The following NEGR1 variants were observed in gnomAD, a reference collection of about 807,000 sequenced individuals.
The protein encoded by NEGR1 is neuronal growth regulator 1, also known as IgLON family member 4.
In NEGR1, 10 loss-of-function variants were observed where a neutral mutation model predicts 40.9. That is an observed-to-expected ratio of 0.24 (90% CI 0.15 to 0.42). The LOEUF (loss-of-function observed/expected upper bound fraction) is 0.42, where lower values mean the gene tolerates loss of function less well. NEGR1 is among the 10% of genes least tolerant of loss of function. The pLI, the probability that NEGR1 is intolerant of heterozygous loss-of-function variation, is 1.00. For synonymous variants in NEGR1, 185 were observed against 166.8 expected, an observed-to-expected ratio of 1.11 and a Z score of -0.84; for missense variants, 352 against 438.9, an observed-to-expected ratio of 0.80 and a Z score of 1.77.
chr1:71,950,810 C>A (rs1646063542), intron 1 of NEGR1, among the ~76,000 whole-genome samples: 1 of 151,936 alleles, frequency 6.6e-6, no homozygotes, highest in Admixed American at 6.6e-5. Context: ...GTGCTTGTCT[C>A]CTTAGGTCCT....
intron 5 of NEGR1, among the ~76,000 whole-genome samples, chr1:71,597,478 G>C (rs1457026083): frequency 6.4e-5 from 7 of 109,390 alleles, no homozygotes; most frequent in African/African-American, 1.8e-4. Flanking sequence ...CTCTCTGTGT[G>C]TGTGTGTGTG....
chr1:71,746,162 C>T (rs966583416), intron 3 of NEGR1, among the ~76,000 whole-genome samples: 2 of 152,164 alleles, frequency 1.3e-5, no homozygotes, highest in South Asian at 2.1e-4. Flanking sequence ...ATATGTTATG[C>T]TTTTCTTGCT....
intron 1 of NEGR1, among the ~76,000 whole-genome samples, chr1:72,133,717 A>C (rs144565556): frequency 0.016 from 2,474 of 151,864 alleles, 71 homozygotes; most frequent in African/African-American, 0.057. Flanking sequence ...TCATTAGCAC[A>C]TAAGTAGCAA....
intron 2 of NEGR1, among the ~76,000 whole-genome samples, chr1:71,780,497 A>T (rs1307406439): frequency 3.3e-5 from 5 of 152,220 alleles, no homozygotes; most frequent in African/African-American, 1.2e-4. Context: ...CTGTGTTCAT[A>T]ATTAATTGTT....
chr1:72,213,391 G>A (rs1045931290), intron 1 of NEGR1, among the ~76,000 whole-genome samples: 1 of 151,624 alleles, frequency 6.6e-6, no homozygotes, highest in East Asian at 1.9e-4. Context: ...AATTCCACAT[G>A]GATTTGACAT....
At chr1:72,153,676 G>T (rs1651250669) in intron 1 of NEGR1, among the ~76,000 whole-genome samples, 2 of 151,792 alleles carry the variant, frequency 1.3e-5, no homozygotes, top group South Asian at 2.1e-4. Context: ...TCATATGAAA[G>T]AAATTATTCA....
chr1:71,866,294 A>C (rs1570446584), intron 2 of NEGR1, among the ~76,000 whole-genome samples: 1 of 152,182 alleles, frequency 6.6e-6, no homozygotes, highest in Non-Finnish European at 1.5e-5. Context: ...TTAGCAATTT[A>C]GCAAAAGAAA....
At chr1:72,276,971 G>A (rs1407675721) in intron 1 of NEGR1, among the ~76,000 whole-genome samples, 1 of 152,090 alleles carries the variant, frequency 6.6e-6, no homozygotes, top group African/African-American at 2.4e-5. Flanking sequence ...AGGAATAAAG[G>A]GATAAAGCAG....
intron 6 of NEGR1, among the ~76,000 whole-genome samples, chr1:71,410,799 G>T (rs1263182930): frequency 6.6e-6 from 1 of 152,084 alleles, no homozygotes; most frequent in East Asian, 1.9e-4. Context: ...CAAGTTAAGG[G>T]TCTCAGTATT....
At chr1:71,940,781 G>T (rs1472321027) in intron 1 of NEGR1, among the ~76,000 whole-genome samples, 1 of 152,148 alleles carries the variant, frequency 6.6e-6, no homozygotes, top group Non-Finnish European at 1.5e-5. Context: ...ATCAGAGAGT[G>T]TAGCGAAAAA....
intron 6 of NEGR1, among the ~76,000 whole-genome samples, chr1:71,563,968 A>T (rs1044972821): frequency 4.6e-5 from 7 of 152,096 alleles, no homozygotes; most frequent in African/African-American, 1.4e-4. Flanking sequence ...GGAAAAAAAA[A>T]AAGACCAACC....
chr1:72,143,158 AATT>A (rs1650750536), intron 1 of NEGR1, among the ~76,000 whole-genome samples: 1 of 152,018 alleles, frequency 6.6e-6, no homozygotes, highest in African/African-American at 2.4e-5. Context: ...GAGGCTCAAA[AATT>A]ATTATTTCTG....
At chr1:72,037,789 T>A (rs1243293081) in intron 1 of NEGR1, among the ~76,000 whole-genome samples, 1 of 152,142 alleles carries the variant, frequency 6.6e-6, no homozygotes, top group East Asian at 1.9e-4. Flanking sequence ...TTATGCAACA[T>A]GTAAAAATGT....
chr1:72,180,479 C>G (rs1043539791), intron 1 of NEGR1, among the ~76,000 whole-genome samples: 1 of 150,416 alleles, frequency 6.6e-6, no homozygotes. Flanking sequence ...ATTACAAAAA[C>G]TAAAAATCTT....
intron 1 of NEGR1, among the ~76,000 whole-genome samples, chr1:72,061,856 A>G (rs909875885): frequency 6.6e-5 from 10 of 151,738 alleles, no homozygotes; most frequent in African/African-American, 2.4e-4. Flanking sequence ...ATTGTGAACG[A>G]TGCCCACCCT....
At chr1:72,099,544 A>C (rs1168356705) in intron 1 of NEGR1, among the ~76,000 whole-genome samples, 1 of 151,962 alleles carries the variant, frequency 6.6e-6, no homozygotes, top group Non-Finnish European at 1.5e-5. Flanking sequence ...TATACTCATA[A>C]ATTTTCTTCT....
At chr1:72,134,084 T>G (rs1650355676) in intron 1 of NEGR1, among the ~76,000 whole-genome samples, 1 of 152,172 alleles carries the variant, frequency 6.6e-6, no homozygotes, top group Non-Finnish European at 1.5e-5. Context: ...TGCATTTAAA[T>G]GCTTGTTAAT....
chr1:71,567,760 C>T (rs551465748), intron 6 of NEGR1, among the ~76,000 whole-genome samples: 15 of 152,072 alleles, frequency 9.9e-5, no homozygotes, highest in East Asian at 9.7e-4. Flanking sequence ...TAAAGCCTAA[C>T]GTGAGGGTAT....
At chr1:72,110,931 C>A (rs1259477369) in intron 1 of NEGR1, among the ~76,000 whole-genome samples, 1 of 151,206 alleles carries the variant, frequency 6.6e-6, no homozygotes, top group Non-Finnish European at 1.5e-5. Flanking sequence ...TCTTTGGGAA[C>A]ATGAAAACAA....
Sources: allele counts gnomAD v4.1 joint callset (sites outside exome capture counted in the v4.1 genomes callset), GRCh38; gene constraint gnomAD v4.1.1; transcripts MANE v1.5; gene names NCBI Gene and HGNC (gene_info 2026-07-23, HGNC 2026-07-21).